The following XKR6 variants were observed in gnomAD, a reference collection of about 807,000 sequenced individuals.
XKR6 encodes the protein XK-related protein 6.
In XKR6, 22 loss-of-function variants were observed where a neutral mutation model predicts 56.7. That is an observed-to-expected ratio of 0.39 (90% CI 0.28 to 0.55). The LOEUF (loss-of-function observed/expected upper bound fraction) is 0.55. XKR6 is among the 20% of genes least tolerant of loss of function. The probability of loss-of-function intolerance (pLI) is 0.66; values close to 1 mark genes in which losing one functional copy is unlikely to be tolerated. For missense variants in XKR6, 852 were observed against 889.0 expected, an observed-to-expected ratio of 0.96 and a Z score of 0.53; for synonymous variants, 524 against 387.8, an observed-to-expected ratio of 1.35 and a Z score of -4.13.
intron 1 of XKR6, among the ~76,000 whole-genome samples, chr8:11,161,042 G>C (rs530860422): frequency 3.3e-5 from 5 of 151,586 alleles, no homozygotes; most frequent in South Asian, 2.1e-4. Context: ...AGATTTTTAA[G>C]ATTCCATAAT....
chr8:11,036,542 G>T lies in XKR6; in HGVS notation c.765-111712C>A, dbSNP rs118093908. Among the ~76,000 whole-genome samples the T allele has an allele frequency of 2.9e-4, 44 of 152,284 alleles. No individual in the cohort carries two copies. In the East Asian group the frequency reaches 8.5e-3, roughly 29 times the overall value. On this transcript the variant is annotated intron_variant, in intron 1 of 2. Transcript: ENST00000416569. ...TTGCTACATCAGCATCTCTGGGTGG[G>T]GTCCAGGAATCTGCATTTTAACAAA...
At chr8:11,172,318 C>T (rs1175084583) in intron 1 of XKR6, among the ~76,000 whole-genome samples, 2 of 152,130 alleles carry the variant, frequency 1.3e-5, no homozygotes, top group East Asian at 3.9e-4. Flanking sequence ...TGCGGCAAGC[C>T]ATGATCAAGC....
At chr8:10,966,122 G>A (rs952108988) in intron 1 of XKR6, among the ~76,000 whole-genome samples, 6 of 152,210 alleles carry the variant, frequency 3.9e-5, no homozygotes, top group African/African-American at 1.2e-4. Flanking sequence ...GTGCACAGCA[G>A]CGGTTCTCAA....
chr8:10,946,362 A>G (rs1208040539), intron 1 of XKR6, among the ~76,000 whole-genome samples: 1 of 152,046 alleles, frequency 6.6e-6, no homozygotes, highest in Admixed American at 6.6e-5. Context: ...CGTGCACTTG[A>G]GCAGGCCGCA....
At chr8:11,115,719 T>A (rs866710395) in intron 1 of XKR6, among the ~76,000 whole-genome samples, 5 of 152,214 alleles carry the variant, frequency 3.3e-5, no homozygotes, top group African/African-American at 1.2e-4. Context: ...AGGGTCCCAT[T>A]ACTGCAACGC....
At chr8:10,927,246 G>A (rs1800916525) in intron 1 of XKR6, among the ~76,000 whole-genome samples, 1 of 152,144 alleles carries the variant, frequency 6.6e-6, no homozygotes, top group African/African-American at 2.4e-5. Context: ...TCCAGCTGAA[G>A]CACCGAGGCA....
Position 11,128,135 on chromosome 8 carries a change from C to T in XKR6, c.764+72441G>A, listed in dbSNP as rs555683119. Among the ~76,000 whole-genome samples the T allele has an allele frequency of 1.4e-4, 21 of 152,250 alleles. No homozygotes were observed. The South Asian group carries it at 1.7e-3, about 12-fold the overall frequency. ...CAAATTAGCTAGAATGAAGTTAATA[C>T]GTAAAGGACAATCTGAATGTTTGGT... On this transcript the variant is annotated intron_variant, in intron 1 of 2. Coordinates refer to ENST00000416569, the MANE Select transcript of XKR6 (RefSeq NM_173683.4).
chr8:11,151,182 A>G (rs1801251386), intron 1 of XKR6, among the ~76,000 whole-genome samples: 1 of 152,170 alleles, frequency 6.6e-6, no homozygotes, highest in Admixed American at 6.5e-5. Flanking sequence ...GATATTTGGA[A>G]AATAATAATT....
chr8:10,987,287 A>C (rs1023468790), intron 1 of XKR6, among the ~76,000 whole-genome samples: 2 of 152,206 alleles, frequency 1.3e-5, no homozygotes, highest in African/African-American at 4.8e-5. Context: ...AAGTGGTACT[A>C]CTAGTTGATC....
Position 10,897,807 on chromosome 8 carries a change from T to G in XKR6, c.*145A>C, listed in dbSNP as rs1446805119. The G allele has an allele frequency of 6.8e-6, 7 of 1,023,038 alleles. No homozygotes were observed. The highest frequency in any genetic ancestry group is 9.5e-6 in the Non-Finnish European group (7 of 734,448). The allele number at this position is 1,023,038 out of a possible 1,614,324, so 63.4% of individuals were successfully genotyped here. A position where few individuals can be genotyped will look rare whatever the true frequency, so the allele number is the denominator to read the frequency against. On this transcript the variant is annotated 3_prime_UTR_variant, in exon 3 of 3. Coordinates refer to ENST00000416569, the MANE Select transcript of XKR6 (RefSeq NM_173683.4). ...GTTGTGACTTATTAATTCTTTTTTT[T>G]TTGTAGTGGTGGTGTTGGTGTGGCG... is the stretch of plus-strand genomic sequence containing the variant.
intron 1 of XKR6, among the ~76,000 whole-genome samples, chr8:10,984,804 T>C (rs572491321): frequency 7.0e-6 from 1 of 142,224 alleles, no homozygotes; most frequent in East Asian, 2.1e-4. Context: ...ACTAAGCAAA[T>C]AACAGACTTC....
intron 1 of XKR6, among the ~76,000 whole-genome samples, chr8:11,076,896 G>T (rs1800288515): frequency 6.6e-6 from 1 of 152,224 alleles, no homozygotes; most frequent in South Asian, 2.1e-4. Flanking sequence ...TGGAGAGCTG[G>T]CTGAGCGCGG....
rs141931687 is a variant in XKR6, at chr8:11,115,830, C to G, written c.764+84746G>C. Among the ~76,000 whole-genome samples the G allele has an allele frequency of 4.6e-3, 706 of 152,232 alleles. 5 individuals are homozygous for G. The highest frequency in any genetic ancestry group is 0.013 in the Admixed American group (198 of 15,282). On this transcript the variant is annotated intron_variant, in intron 1 of 2. Transcript: ENST00000416569. Reference sequence around the variant, plus strand: ...AACCTCCAGCATAAATGGGTTAAAACCAGAAGAATAAATACATTTCTGAGT... The same window carrying G: ...AACCTCCAGCATAAATGGGTTAAAAGCAGAAGAATAAATACATTTCTGAGT...
chr8:10,900,701 C>T (rs748610895), intron 2 of XKR6, among the ~76,000 whole-genome samples: 1 of 152,130 alleles, frequency 6.6e-6, no homozygotes, highest in African/African-American at 2.4e-5. Context: ...GTGGTACACA[C>T]AAGACATCTC....
At chr8:11,053,365 C>G (rs1799603193) in intron 1 of XKR6, among the ~76,000 whole-genome samples, 2 of 152,226 alleles carry the variant, frequency 1.3e-5, no homozygotes, top group Admixed American at 1.3e-4. Flanking sequence ...GCCTGACTCC[C>G]CTGCCACAAG....
chr8:10,978,461 T>C (rs1052264090), intron 1 of XKR6, among the ~76,000 whole-genome samples: 10 of 152,136 alleles, frequency 6.6e-5, no homozygotes, highest in Admixed American at 2.6e-4. Context: ...TGTGATGATG[T>C]GATGGGGGAG....
At chr8:10,920,541 G>C (rs995720134) in intron 2 of XKR6, among the ~76,000 whole-genome samples, 1 of 152,208 alleles carries the variant, frequency 6.6e-6, no homozygotes, top group Admixed American at 6.5e-5. Context: ...TCTGTTCCAA[G>C]TCCACACATT....
intron 1 of XKR6, among the ~76,000 whole-genome samples, chr8:11,037,235 T>A (rs1383845482): frequency 6.6e-6 from 1 of 152,238 alleles, no homozygotes; most frequent in Non-Finnish European, 1.5e-5. Context: ...TTAATACTTT[T>A]TTCTTTTTTT....
At chr8:10,918,059 C>A (rs576658294) in intron 2 of XKR6, among the ~76,000 whole-genome samples, 45 of 152,338 alleles carry the variant, frequency 3.0e-4, no homozygotes, top group Admixed American at 8.5e-4. Context: ...TCCTCCAGAG[C>A]CACCCATCCT....
Sources: gnomAD v4.1 joint callset for allele counts (sites outside exome capture counted in the v4.1 genomes callset) on GRCh38, gnomAD v4.1.1 for gene constraint, MANE v1.5 for transcripts, NCBI Gene and HGNC (gene_info 2026-07-23, HGNC 2026-07-21) for gene names.